VPS11: variants seen among roughly 807,000 people sequenced by gnomAD.
The protein encoded by VPS11 is vacuolar protein sorting-associated protein 11 homolog.
A neutral mutation model predicts 106.8 loss-of-function variants in VPS11; 51 were observed. The observed-to-expected ratio is 0.48, with a 90% confidence interval of 0.38 to 0.60. VPS11 has a LOEUF of 0.60. VPS11 is among the 20% of genes least tolerant of loss of function. The pLI is 0.00. For synonymous variants in VPS11, 453 were observed against 458.7 expected, an observed-to-expected ratio of 0.99 and a Z score of 0.16; for missense variants, 950 against 1,190.0, an observed-to-expected ratio of 0.80 and a Z score of 2.97.
chr11:119,073,513 C>A, intron 6 of VPS11, 114 bp downstream of exon 6: 1 of 1,302,866 alleles, frequency 7.7e-7, no homozygotes, highest in Non-Finnish European at 1.0e-6. Flanking sequence ...CACAGCCTTA[C>A]TCAGCTTCCT....
Position 119,073,970 on chromosome 11 carries a change from T to A in VPS11, c.1238+19T>A. 1 of 1,598,394 alleles carries A rather than the reference T, an allele frequency of 6.3e-7. No homozygotes were observed. The highest frequency in any genetic ancestry group is 8.6e-7 in the Non-Finnish European group (1 of 1,168,334). Reference sequence around the variant, plus strand: ...ATATCCGGTCAGTCTGGAGGCACTTTGGGATATAGCTGTGAATGCAGGGAC... The same window carrying A: ...ATATCCGGTCAGTCTGGAGGCACTTAGGGATATAGCTGTGAATGCAGGGAC... On this transcript the variant is annotated intron_variant, in intron 7 of 15. Coordinates refer to ENST00000621676, the MANE Select transcript of VPS11 (RefSeq NM_021729.6).
chr11:119,074,630 C>T (rs1308928580), intron 7 of VPS11, among the ~76,000 whole-genome samples: 1 of 152,150 alleles, frequency 6.6e-6, no homozygotes, highest in East Asian at 1.9e-4. Context: ...GTCTCGAACT[C>T]CTGAGCTCAG....
intron 10 of VPS11, 27 bp from the exon 11 acceptor site, chr11:119,078,146 C>A: frequency 1.9e-6 from 3 of 1,611,404 alleles, no homozygotes; most frequent in Non-Finnish European, 2.5e-6. Context: ...CTCATTCAGC[C>A]TCCTTTTTCC....
rs529136745 is a variant in VPS11, at chr11:119,069,656, G to A, written c.472+79G>A. On this transcript the variant is annotated intron_variant, in intron 3 of 15. Transcript: ENST00000621676. ...GTTGCTTCTGCCTCTCATCTTTACT[G>A]TTTTCAGGAGACCACTTTGTACTGA... 8 of 1,592,610 alleles carry A rather than the reference G, an allele frequency of 5.0e-6. No individual in the cohort carries two copies. In the African/African-American group the frequency reaches 9.4e-5, roughly 19 times the overall value.
At chr11:119,075,994 G>A (rs1304870803) in intron 7 of VPS11, among the ~76,000 whole-genome samples, 1 of 152,026 alleles carries the variant, frequency 6.6e-6, no homozygotes, top group Non-Finnish European at 1.5e-5. Flanking sequence ...TTGGGAGGCT[G>A]AGGTGGGCGG....
chr11:119,079,018 G>A, intron 13 of VPS11, 21 bp downstream of exon 13: 5 of 1,613,554 alleles, frequency 3.1e-6, no homozygotes, highest in African/African-American at 1.3e-5. Flanking sequence ...AGACAGATGG[G>A]TGGGTGACAA....
chr11:119,071,461 A>G, intron 4 of VPS11, 135 bp from the exon 5 acceptor site: 1 of 1,109,312 alleles, frequency 9.0e-7, no homozygotes, highest in Non-Finnish European at 1.3e-6. Flanking sequence ...TTAATGAAGA[A>G]GGCCAGCAGC....
rs534372363 is a variant in VPS11 at position 119,071,828 on chromosome 11, G to T, written c.869G>T (p.Arg290Leu). The T allele has an allele frequency of 3.7e-6, 6 of 1,612,824 alleles. No individual in the cohort carries two copies. Among genetic ancestry groups the T allele is most frequent in the Non-Finnish European group, 5.1e-6 (6 of 1,179,020 alleles). The change falls in exon 5 of 16, where the codon CGG becomes CTG. Residue 290 changes from arginine (R) to leucine (L), a missense_variant. By Grantham distance (102) the Arg-to-Leu change is moderately radical. Around this residue, in one of 3 missense-constraint regions of VPS11, gnomAD observed 435 missense variants for 630.2 expected, o/e 0.69. Transcript: ENST00000621676. ...TACCTTATCATTGTCTCCCGTGACC[G>T]GAAGGTTTCTCCCAAGTAAGGACTC... ...RGYLIIVSRD[R>L]KVSPKSEFTS... is the part of the protein sequence containing the mutation.
At chr11:119,072,058 T>C (rs1945415388) in intron 5 of VPS11, 2 of 499,836 alleles carry the variant, frequency 4.0e-6, no homozygotes, top group Non-Finnish European at 7.0e-6. Context: ...CCTCGCCTCC[T>C]GGGTTCCAGT....
chr11:119,067,897 A>G lies in VPS11; in HGVS notation c.74A>G (p.Asp25Gly). 6.3e-7 allele frequency: 1 copy of G among 1,597,760 alleles called. No individual in the cohort carries two copies. The highest frequency in any genetic ancestry group is 8.5e-7 in the Non-Finnish European group (1 of 1,172,158). The change falls in exon 1 of 16, where the codon GAT (aspartate) becomes GGT (glycine). Residue 25 changes from aspartate (D) to glycine (G), a missense_variant. Physicochemically the swap from Asp to Gly is moderately conservative, Grantham distance 94. Coordinates refer to ENST00000621676, the MANE Select transcript of VPS11 (RefSeq NM_021729.6). The stretch of plus-strand genomic sequence containing the variant: ...CTGGTGAAGGAGCCGCTGAGCAATG[A>G]TGGGGCCGCTCCCGGGGCCACACCT... Reference protein sequence around the residue: ...KELVKEPLSNDGAAPGATPAS... With the variant: ...KELVKEPLSNGGAAPGATPAS...
intron 3 of VPS11, 85 bp downstream of exon 3, chr11:119,069,662 A>G: frequency 6.3e-7 from 1 of 1,586,220 alleles, no homozygotes; most frequent in Non-Finnish European, 8.6e-7. Context: ...TACTGTTTTC[A>G]GGAGACCACT....
chr11:119,073,207 T>G lies in VPS11; in HGVS notation c.894T>G (p.Phe298Leu), dbSNP rs1565739570. The change falls in exon 6 of 16, where the codon TTT becomes TTG. Residue 298 changes from phenylalanine to leucine, a missense_variant. Physicochemically the swap from Phe to Leu is conservative, Grantham distance 22. Around this residue, in one of 3 missense-constraint regions of VPS11, gnomAD observed 435 missense variants for 630.2 expected, o/e 0.69. Coordinates refer to ENST00000621676, the MANE Select transcript of VPS11 (RefSeq NM_021729.6). ...RDRKVSPKSE[F>L]TSRDSQSSDK... is the part of the protein sequence containing the mutation. ...TTTCTTTCCTATGCAGGTCAGAGTTTACCAGCAGGGATTCACAGAGCTCCG... is the reference window on the plus strand; with the variant it reads ...TTTCTTTCCTATGCAGGTCAGAGTTGACCAGCAGGGATTCACAGAGCTCCG... The G allele has an allele frequency of 1.9e-6, 3 of 1,612,970 alleles. No homozygotes were observed. Among genetic ancestry groups the G allele is most frequent in the South Asian group, 2.2e-5 (2 of 90,834 alleles).
chr11:119,071,976 GTTT>G, intron 5 of VPS11, 133 bp downstream of exon 5: 3 of 1,027,434 alleles, frequency 2.9e-6, no homozygotes, highest in East Asian at 2.8e-5. Flanking sequence ...TAACATTTCT[GTTT>G]TTTTTTTTTG....
intron 5 of VPS11, 129 bp downstream of exon 5, chr11:119,071,972 T>C: frequency 7.6e-7 from 1 of 1,309,464 alleles, no homozygotes; most frequent in South Asian, 1.4e-5. Context: ...TAGGTAACAT[T>C]TCTGTTTTTT....
In VPS11 at chr11:119,077,041, T is replaced by C. The variant is rs1049107132; in HGVS notation, c.1383T>C (p.Tyr461=). ...ADHTTLLLNC[Y]TKLKDSSKLE... is the part of the protein sequence containing the mutation. ...ATACCACCCTGCTCCTCAACTGCTA[T>C]ACCAAGCTCAAGGACAGCTCGAAGC... Residue 461 remains tyrosine, a synonymous_variant, in exon 8 of 16, where the codon TAT becomes TAC. Transcript: ENST00000621676. 9 of 1,613,614 alleles carry C rather than the reference T, an allele frequency of 5.6e-6. No individual in the cohort carries two copies. Among genetic ancestry groups the C allele is most frequent in the Non-Finnish European group, 6.8e-6 (8 of 1,179,782 alleles).
At chr11:119,068,179 T>G (rs1025276147) in intron 1 of VPS11, 169 bp downstream of exon 1, 16 of 747,078 alleles carry the variant, frequency 2.1e-5, no homozygotes, top group Non-Finnish European at 3.3e-5. Flanking sequence ...ATCTCCTAAC[T>G]TGTTATCAAC....
At position 119,081,258 on chromosome 11, in the gene VPS11, G is replaced by C; in HGVS notation, c.2605G>C (p.Asp869His). The C allele has an allele frequency of 3.7e-6, 6 of 1,614,000 alleles. No homozygotes were observed. Among genetic ancestry groups the C allele is most frequent in the Non-Finnish European group, 5.1e-6 (6 of 1,179,896 alleles). The change falls in exon 15 of 16, where the codon GAT (aspartate) becomes CAT (histidine). Residue 869 changes from aspartate to histidine, a missense_variant. Coordinates refer to ENST00000621676, the MANE Select transcript of VPS11 (RefSeq NM_021729.6). ...CCTCCCTGAAAACCGGAAGGTCATG[G>C]ATATGATCCGGGCCCAGGAACAGAA... ...TCLPENRKVMDMIRAQEQKRD... is the reference protein window; with the variant it reads ...TCLPENRKVMHMIRAQEQKRD...
At chr11:119,075,703 T>A (rs1232022518) in intron 7 of VPS11, among the ~76,000 whole-genome samples, 1 of 151,218 alleles carries the variant, frequency 6.6e-6, no homozygotes, top group Non-Finnish European at 1.5e-5. Context: ...AATACAAAAA[T>A]TAGCTGGGCA....
At chr11:119,074,100 T>G in intron 7 of VPS11, 149 bp downstream of exon 7, 2 of 1,064,930 alleles carry the variant, frequency 1.9e-6, no homozygotes, top group Non-Finnish European at 2.6e-6. Flanking sequence ...TTAGTTTTTT[T>G]TTGAGATGGA....
Sources: allele counts gnomAD v4.1 joint callset (sites outside exome capture counted in the v4.1 genomes callset), GRCh38; gene constraint gnomAD v4.1.1; regional missense constraint gnomAD v4.1.1; transcripts MANE v1.5; gene names NCBI Gene and HGNC (gene_info 2026-07-23, HGNC 2026-07-21).